Variants in ARHGEF11 observed in about 807,000 individuals in gnomAD.
The protein encoded by ARHGEF11 is Rho guanine nucleotide exchange factor 11.
A neutral mutation model predicts 193.7 loss-of-function variants in ARHGEF11; 55 were observed. That is an observed-to-expected ratio of 0.28 (90% CI 0.23 to 0.36). ARHGEF11 has a LOEUF of 0.36. Ranked by LOEUF, ARHGEF11 falls within the 10% of genes least tolerant of loss-of-function variation. The pLI, the probability that ARHGEF11 is intolerant of heterozygous loss-of-function variation, is 1.00. For synonymous variants in ARHGEF11, 693 were observed against 768.0 expected, an observed-to-expected ratio of 0.90 and a Z score of 1.62; for missense variants, 1,723 against 2,005.6, an observed-to-expected ratio of 0.86 and a Z score of 2.69.
chr1:156,943,154 G>A (rs576616059), intron 32 of ARHGEF11, among the ~76,000 whole-genome samples: 2 of 150,648 alleles, frequency 1.3e-5, no homozygotes, highest in African/African-American at 4.9e-5. Flanking sequence ...TGCGCCTCCC[G>A]GGTTCAAGTG....
At chr1:156,941,289 C>A in intron 35 of ARHGEF11, 83 bp downstream of exon 35, 1 of 1,325,518 alleles carries the variant, frequency 7.5e-7, no homozygotes, top group South Asian at 1.2e-5. Context: ...ATGGACTCTC[C>A]CATCGCCCCC....
chr1:157,037,969 T>C (rs968628805), intron 1 of ARHGEF11, among the ~76,000 whole-genome samples: 2 of 139,410 alleles, frequency 1.4e-5, no homozygotes, highest in East Asian at 2.0e-4. Flanking sequence ...GAGGTGGAGG[T>C]TGCAGTGAGC....
intron 1 of ARHGEF11, among the ~76,000 whole-genome samples, chr1:157,000,105 A>C (rs574603417): frequency 7.7e-4 from 118 of 152,268 alleles, no homozygotes; most frequent in African/African-American, 2.7e-3. Flanking sequence ...CTGGAATTAG[A>C]GCGTGTGTCA....
In ARHGEF11 at chr1:156,947,343, G is replaced by A. The variant is rs149348658; in HGVS notation, c.2449C>T (p.Arg817Trp). The stretch of plus-strand genomic sequence containing the variant: ...AGTTCAGGCAGGTTCGGGAAGAGCC[G>A]GGCCAGCTCCTCCCGGGGCATCAGG... ...ENLMPREELA[R>W]LFPNLPELIE... Residue 817 changes from arginine (R) to tryptophan (W), a missense_variant, in exon 26 of 41, where the codon CGG (arginine) becomes TGG (tryptophan). Arg to Trp is a moderately radical substitution (Grantham distance 101). Around this residue, in one of 5 missense-constraint regions of ARHGEF11, gnomAD observed 491 missense variants for 654.5 expected, o/e 0.75. Transcript: ENST00000368194. 9 of 1,613,552 alleles carry A rather than the reference G, an allele frequency of 5.6e-6. No individual in the cohort carries two copies. Among genetic ancestry groups the A allele is most frequent in the African/African-American group, 5.3e-5 (4 of 74,848 alleles).
chr1:157,020,042 T>A (rs1669774928), intron 1 of ARHGEF11, among the ~76,000 whole-genome samples: 1 of 150,276 alleles, frequency 6.7e-6, no homozygotes, highest in South Asian at 2.1e-4. Flanking sequence ...CAGAATAGCG[T>A]GAACCTGGGA....
At chr1:157,034,542 G>C (rs1236475239) in intron 1 of ARHGEF11, among the ~76,000 whole-genome samples, 1 of 152,232 alleles carries the variant, frequency 6.6e-6, no homozygotes, top group African/African-American at 2.4e-5. Context: ...TTCCTGGCAG[G>C]AGTGTTTAGA....
chr1:156,968,413 A>G (rs1662019747), intron 10 of ARHGEF11, among the ~76,000 whole-genome samples: 2 of 152,202 alleles, frequency 1.3e-5, no homozygotes, highest in Admixed American at 1.3e-4. Flanking sequence ...CATGAGGTGT[A>G]TCCTGGACTT....
Position 156,975,009 on chromosome 1 carries a change from A to G in ARHGEF11, c.582+1974T>C, listed in dbSNP as rs140159476. 3.7e-3 allele frequency among the ~76,000 whole-genome samples: 570 copies of G among 152,316 alleles called. 1 individual carries two copies. The highest frequency in any genetic ancestry group is 5.0e-3 in the Non-Finnish European group (340 of 68,036). ...GTTTTTGTGTGAACCTATGTTCTCAATTCTCTTGGATATATACCTGGGAGT... is the reference window on the plus strand; with the variant it reads ...GTTTTTGTGTGAACCTATGTTCTCAGTTCTCTTGGATATATACCTGGGAGT... On this transcript the variant is annotated intron_variant, in intron 7 of 40. Coordinates refer to ENST00000368194, the MANE Select transcript of ARHGEF11 (RefSeq NM_198236.3).
At chr1:157,023,100 A>C (rs754569165) in intron 1 of ARHGEF11, among the ~76,000 whole-genome samples, 4 of 152,236 alleles carry the variant, frequency 2.6e-5, no homozygotes, top group Non-Finnish European at 2.9e-5. Flanking sequence ...ATGGTTTATC[A>C]GACATGACAC....
At chr1:156,960,895 C>G (rs1255037959) in intron 14 of ARHGEF11, among the ~76,000 whole-genome samples, 1 of 152,196 alleles carries the variant, frequency 6.6e-6, no homozygotes. Flanking sequence ...GGTGTTCTGG[C>G]TTTTGCTACA....
intron 29 of ARHGEF11, 92 bp from the exon 30 acceptor site, chr1:156,945,289 T>G: frequency 6.9e-7 from 1 of 1,458,936 alleles, no homozygotes; most frequent in Non-Finnish European, 9.3e-7. Context: ...CCATGGCAGC[T>G]GGCTTGCTTC....
intron 1 of ARHGEF11, among the ~76,000 whole-genome samples, chr1:156,992,417 A>G (rs1471013267): frequency 6.6e-6 from 1 of 152,076 alleles, no homozygotes; most frequent in Non-Finnish European, 1.5e-5. Flanking sequence ...TGCAGTGTGG[A>G]CTTCCCGGTA....
chr1:157,028,270 G>C (rs915819351), intron 1 of ARHGEF11, among the ~76,000 whole-genome samples: 24 of 152,222 alleles, frequency 1.6e-4, no homozygotes, highest in African/African-American at 4.6e-4. Context: ...TATAAGACAT[G>C]AAGTAATGAT....
At chr1:157,003,427 T>C (rs1322097333) in intron 1 of ARHGEF11, among the ~76,000 whole-genome samples, 3 of 152,240 alleles carry the variant, frequency 2.0e-5, no homozygotes, top group Non-Finnish European at 4.4e-5. Flanking sequence ...ATGCCACTTA[T>C]TCGAATTCCC....
At chr1:156,977,968 A>G (rs911337487) in intron 6 of ARHGEF11, among the ~76,000 whole-genome samples, 1 of 152,150 alleles carries the variant, frequency 6.6e-6, no homozygotes, top group African/African-American at 2.4e-5. Flanking sequence ...GAAACACACA[A>G]TGTTGCTGTG....
chr1:156,963,167 G>A (rs759198991), intron 13 of ARHGEF11, 36 bp downstream of exon 13: 4 of 1,527,388 alleles, frequency 2.6e-6, no homozygotes, highest in Non-Finnish European at 3.6e-6. Flanking sequence ...CCCAGTACCA[G>A]CAGGCACTCA....
intron 10 of ARHGEF11, 23 bp downstream of exon 10, chr1:156,969,259 G>C: frequency 4.5e-6 from 7 of 1,572,380 alleles, no homozygotes; most frequent in Non-Finnish European, 6.0e-6. Context: ...GTTCTGAATG[G>C]GCCTTGCCCT....
intron 1 of ARHGEF11, among the ~76,000 whole-genome samples, chr1:157,006,471 C>A (rs1256485317): frequency 2.2e-4 from 1 of 4,618 alleles, no homozygotes; most frequent in East Asian, 0.036. Flanking sequence ...AGGATGTATT[C>A]CACCAAAAGC....
intron 29 of ARHGEF11, chr1:156,945,754 C>T: frequency 2.8e-6 from 1 of 351,494 alleles, no homozygotes. Context: ...GACCCAGGTG[C>T]CCTTGAGTGC....
Sources: allele counts gnomAD v4.1 joint callset (sites outside exome capture counted in the v4.1 genomes callset), GRCh38; gene constraint gnomAD v4.1.1; regional missense constraint gnomAD v4.1.1; transcripts MANE v1.5; gene names NCBI Gene and HGNC (gene_info 2026-07-23, HGNC 2026-07-21).